The following TNRC6C variants were observed in gnomAD, a reference collection of about 807,000 sequenced individuals.
TNRC6C encodes trinucleotide repeat-containing gene 6C protein.
TNRC6C carries 20 observed loss-of-function variants against 153.7 expected under a neutral mutation model. That is an observed-to-expected ratio of 0.13 (90% CI 0.09 to 0.19). The LOEUF is 0.19. Among genes scored for constraint, TNRC6C ranks in the 10% least tolerant of loss-of-function variants. TNRC6C has a pLI of 1.00. For synonymous variants in TNRC6C, 811 were observed against 841.4 expected (o/e 0.96, Z 0.63); for missense variants, 1,987 against 2,172.0 (o/e 0.91, Z 1.69).
At chr17:78,069,298 C>T (rs2072944266) in intron 5 of TNRC6C, among the ~76,000 whole-genome samples, 1 of 152,114 alleles carries the variant, frequency 6.6e-6, no homozygotes, top group Non-Finnish European at 1.5e-5. Flanking sequence ...CCAGTGGCTC[C>T]TAGACACGGA....
At chr17:78,093,725 C>G in exon 16 of TNRC6C, 2 of 1,614,000 alleles carry the variant, frequency 1.2e-6, no homozygotes, top group Non-Finnish European at 1.7e-6. Flanking sequence ...ATCAACACCA[C>G]CATCCAGGAT....
chr17:78,011,893 C>T (rs1011563593), intron 1 of TNRC6C: 3 of 152,206 alleles, frequency 2.0e-5, no homozygotes, highest in Non-Finnish European at 4.4e-5. Context: ...TTGGCATTAA[C>T]CTAATGACTA....
intron 1 of TNRC6C, among the ~76,000 whole-genome samples, chr17:77,987,424 A>G (rs907378171): frequency 5.3e-5 from 8 of 152,254 alleles, no homozygotes; most frequent in African/African-American, 1.7e-4. Flanking sequence ...AAGCAGTTTC[A>G]TAATGAAACC....
rs750221437 is a variant in TNRC6C, at chr17:78,050,608, G to A, written c.1546G>A (p.Ala516Thr). 1.3e-5 allele frequency: 21 copies of A among 1,580,236 alleles called. No individual in the cohort carries two copies. Among genetic ancestry groups the A allele is most frequent in the Admixed American group, 1.8e-5 (1 of 56,790 alleles). ...TGGGTGGGTCAACGCGCCACCTGCC[G>A]CTGTGCCAGCAAACACAGGTTGGGG... Residue 516 changes from alanine to threonine, a missense_variant, in exon 3 of 20, where the codon GCT becomes ACT. By Grantham distance (58) the Ala-to-Thr change is moderately conservative (BLOSUM62 0). Coordinates refer to ENST00000301624, the Ensembl canonical transcript of TNRC6C.
chr17:78,011,547 T>G (rs942709556), intron 1 of TNRC6C, among the ~76,000 whole-genome samples: 1 of 152,252 alleles, frequency 6.6e-6, no homozygotes, highest in African/African-American at 2.4e-5. Flanking sequence ...TGTTCCATTG[T>G]GTAGGTGTAT....
chr17:78,039,309 G>GCC lies in TNRC6C; in HGVS notation c.-219+7478_-219+7479dup, dbSNP rs11306576. ...CCACAGAACAGCAATTTCAAATCTT[G>GCC]CCCCCCCCCCCCACTCCCTACCTCT... On this transcript the variant is annotated intron_variant, in intron 2 of 19. Transcript: ENST00000301624. 6.6e-3 allele frequency among the ~76,000 whole-genome samples: 754 copies of GCC among 113,478 alleles called. 22 individuals are homozygous for GCC. The highest frequency in any genetic ancestry group is 0.025 in the African/African-American group (696 of 27,998). 74.4% of individuals were successfully genotyped at this position (113,478 alleles called of 152,430 possible).
chr17:78,044,327 G>T (rs552034887), intron 2 of TNRC6C, among the ~76,000 whole-genome samples: 109 of 152,200 alleles, frequency 7.2e-4, no homozygotes, highest in African/African-American at 2.6e-3. Context: ...TATATTACTA[G>T]CAAACTGCTT....
chr17:78,090,106 A>G (rs953085148), intron 13 of TNRC6C, among the ~76,000 whole-genome samples: 10 of 152,188 alleles, frequency 6.6e-5, no homozygotes, highest in African/African-American at 2.4e-4. Context: ...TGGGCTTGCA[A>G]AGGCGTTTTG....
intron 3 of TNRC6C, 65 bp downstream of exon 5, chr17:78,051,513 T>G (rs1302469782): frequency 7.4e-7 from 1 of 1,359,554 alleles, no homozygotes; most frequent in African/African-American, 1.5e-5. Context: ...ATTCTCATTA[T>G]ATATTCATGA....
At position 78,049,496 on chromosome 17, in the gene TNRC6C, C is replaced by T. The variant is rs745688954; in HGVS notation, c.434C>T (p.Thr145Ile). ...ATGGGCAACCAGAACGGGAACCCAA[C>T]AGGCACTTTAGGTGCTTGGGGAAAC... Residue 145 changes from threonine (T) to isoleucine (I), a missense_variant, in exon 3 of 20, where the codon ACA becomes ATA. Coordinates refer to ENST00000301624, the Ensembl canonical transcript of TNRC6C. The surrounding 1 kb of genome is among the most constrained non-coding windows in gnomAD (Gnocchi z 4.1). 3.2e-5 allele frequency: 52 copies of T among 1,614,054 alleles called. No homozygotes were observed. Among genetic ancestry groups the T allele is most frequent in the Non-Finnish European group, 4.3e-5 (51 of 1,179,898 alleles).
At chr17:77,964,183 G>A (rs536429963) in intron 1 of TNRC6C, among the ~76,000 whole-genome samples, 104 of 152,322 alleles carry the variant, frequency 6.8e-4, no homozygotes, top group African/African-American at 2.4e-3. Flanking sequence ...AGAAGAGTGT[G>A]ACTGGCATCT....
chr17:78,081,479 A>G (rs958963285), intron 10 of TNRC6C, among the ~76,000 whole-genome samples: 1 of 152,186 alleles, frequency 6.6e-6, no homozygotes, highest in East Asian at 1.9e-4. Context: ...AAGTTATTAG[A>G]TAATAGTTAA....
chr17:78,047,304 T>G (rs373177147), intron 2 of TNRC6C, among the ~76,000 whole-genome samples: 53 of 152,320 alleles, frequency 3.5e-4, no homozygotes, highest in Non-Finnish European at 6.5e-4. Context: ...TAAACCAGGG[T>G]TATAGAGCCA....
intron 13 of TNRC6C, among the ~76,000 whole-genome samples, chr17:78,089,552 TG>T (rs1454786813): frequency 2.0e-5 from 3 of 152,128 alleles, no homozygotes; most frequent in Admixed American, 2.0e-4. Context: ...TGGTCAGTAG[TG>T]GGGGCTCCTA....
chr17:78,030,392 G>T (rs978942484), intron 1 of TNRC6C, among the ~76,000 whole-genome samples: 2 of 151,956 alleles, frequency 1.3e-5, no homozygotes, highest in African/African-American at 4.8e-5. Flanking sequence ...TCGAACTCTT[G>T]ACCTCAGGTG....
At chr17:78,015,152 A>C (rs2071704295) in intron 1 of TNRC6C, among the ~76,000 whole-genome samples, 1 of 152,154 alleles carries the variant, frequency 6.6e-6, no homozygotes, top group African/African-American at 2.4e-5. Flanking sequence ...TTACTGCTTG[A>C]TTTTTGACAA....
chr17:78,031,092 C>G (rs2072063924), intron 1 of TNRC6C, among the ~76,000 whole-genome samples: 1 of 151,718 alleles, frequency 6.6e-6, no homozygotes, highest in African/African-American at 2.4e-5. Context: ...CAGAGTGAGA[C>G]ACTGTCTCAC....
Position 78,075,262 on chromosome 17 carries a change from C to A in TNRC6C, c.3044C>A (p.Pro1015His). 1.3e-6 allele frequency: 2 copies of A among 1,595,550 alleles called. No individual in the cohort carries two copies. The highest frequency in any genetic ancestry group is 2.3e-5 in the South Asian group (2 of 88,080). ...TCCAAAGAGTCTTCCGTGGACCGCC[C>A]CACCTTTCTTGACAAGGTATGAATA... Residue 1015 changes from proline to histidine, a missense_variant, in exon 8 of 20, where the codon CCC becomes CAC. Physicochemically the swap from Pro to His is moderately conservative, Grantham distance 77. This residue lies in a region of TNRC6C where 765 missense variants were observed against 908.6 expected (regional missense o/e 0.84). Transcript: ENST00000301624. This position sits in a 1 kb window ranked among gnomAD's most constrained non-coding sequence, Gnocchi z 4.2.
rs532054845 is a variant in TNRC6C at position 78,078,920 on chromosome 17, G to A, written c.3211-475G>A. 4.6e-5 allele frequency among the ~76,000 whole-genome samples: 7 copies of A among 152,206 alleles called. No individual in the cohort carries two copies. The East Asian group carries it at 7.7e-4, about 17-fold the overall frequency. On this transcript the variant is annotated intron_variant, in intron 9 of 19. Transcript: ENST00000301624. The stretch of plus-strand genomic sequence containing the variant: ...AGCTTGGCCAACATGGTGAAACCCC[G>A]TCTCTACTAAAAATACAAAAAATTT...
Sources: allele counts gnomAD v4.1 joint callset (sites outside exome capture counted in the v4.1 genomes callset), GRCh38; gene constraint gnomAD v4.1.1; regional missense constraint gnomAD v4.1.1; non-coding constraint Gnocchi (gnomAD v3.1); transcripts MANE v1.5; gene names NCBI Gene and HGNC (gene_info 2026-07-23, HGNC 2026-07-21).